Variants in GNE observed in about 807,000 individuals in gnomAD.
GNE encodes glucosamine (UDP-N-acetyl)-2-epimerase/N-acetylmannosamine kinase, also known as bifunctional UDP-N-acetylglucosamine 2-epimerase/N-acetylmannosamine kinase.
A neutral mutation model predicts 61.8 loss-of-function variants in GNE; 41 were observed. The ratio of observed to expected loss-of-function variants is 0.66; its 90% CI spans 0.52 to 0.86. The LOEUF (loss-of-function observed/expected upper bound fraction) is 0.86, where lower values mean the gene tolerates loss of function less well. GNE is among the 40% of genes least tolerant of loss of function. GNE has a pLI of 0.00. For missense variants in GNE, 608 were observed against 909.1 expected (o/e 0.67, Z 4.26); for synonymous variants, 264 against 326.4 (o/e 0.81, Z 2.06).
At chr9:36,264,052 C>T (rs1031674304) in intron 1 of GNE, among the ~76,000 whole-genome samples, 1 of 152,154 alleles carries the variant, frequency 6.6e-6, no homozygotes, top group Non-Finnish European at 1.5e-5. Context: ...AATCCAGGCC[C>T]TGACTTGACT....
At chr9:36,235,232 A>G (rs1174149465) in intron 4 of GNE, among the ~76,000 whole-genome samples, 3 of 152,162 alleles carry the variant, frequency 2.0e-5, no homozygotes, top group Non-Finnish European at 4.4e-5. Flanking sequence ...AGTACATGGC[A>G]CACCAGAAGG....
intron 4 of GNE, among the ~76,000 whole-genome samples, chr9:36,235,804 T>G (rs1165672898): frequency 1.3e-5 from 2 of 152,186 alleles, no homozygotes; most frequent in Non-Finnish European, 2.9e-5. Flanking sequence ...GGTGATATCT[T>G]GACATTGCAG....
At chr9:36,274,139 A>T (rs1587395264) in intron 1 of GNE, among the ~76,000 whole-genome samples, 1 of 150,408 alleles carries the variant, frequency 6.6e-6, no homozygotes, top group Middle Eastern at 3.5e-3. Context: ...TCTATCACCC[A>T]GGCTGGAGTG....
intron 1 of GNE, among the ~76,000 whole-genome samples, chr9:36,254,205 AAAATAAATAAAT>A (rs60990459): frequency 6.9e-6 from 1 of 144,764 alleles, no homozygotes. Context: ...ACTTTGTCTC[AAAATAAATAAAT>A]AAATAAATAA....
chr9:36,222,008 GTTGT>G (rs1465987635), intron 9 of GNE, among the ~76,000 whole-genome samples: 3 of 152,318 alleles, frequency 2.0e-5, no homozygotes, highest in Admixed American at 1.3e-4. Flanking sequence ...AAAAATTGTG[GTTGT>G]TTGTTTTGAC....
At chr9:36,229,825 C>T (rs995946067) in intron 5 of GNE, among the ~76,000 whole-genome samples, 2 of 152,038 alleles carry the variant, frequency 1.3e-5, no homozygotes, top group Non-Finnish European at 2.9e-5. Context: ...ACACCCATGC[C>T]CACACCCTGC....
chr9:36,235,189 TC>T (rs1829340411), intron 4 of GNE, among the ~76,000 whole-genome samples: 1 of 152,192 alleles, frequency 6.6e-6, no homozygotes, highest in South Asian at 2.1e-4. Flanking sequence ...CATTTCAGAT[TC>T]CAGATTTTTT....
Position 36,220,032 on chromosome 9 carries a change from G to C in GNE, c.1634-12C>G. 2.5e-6 allele frequency: 4 copies of C among 1,610,100 alleles called. No homozygotes were observed. The highest frequency in any genetic ancestry group is 3.4e-6 in the Non-Finnish European group (4 of 1,176,754). On this transcript the variant is annotated splice_polypyrimidine_tract_variant and intron_variant, in intron 9 of 11. Coordinates refer to ENST00000642385, the MANE Select transcript of GNE (RefSeq NM_005476.7). ...TCCACCACCGATTCCTACAGCGAGGGATAGAAATCACTGAGGGTGCTTTAC... is the reference window on the plus strand; with the variant it reads ...TCCACCACCGATTCCTACAGCGAGGCATAGAAATCACTGAGGGTGCTTTAC...
chr9:36,231,209 A>T (rs1385988540), intron 5 of GNE, among the ~76,000 whole-genome samples: 1 of 152,224 alleles, frequency 6.6e-6, no homozygotes, highest in Non-Finnish European at 1.5e-5. Context: ...CACATCCATA[A>T]TTCCAGGACT....
At chr9:36,265,613 CT>C (rs1380819514) in intron 1 of GNE, 4 of 353,466 alleles carry the variant, frequency 1.1e-5, no homozygotes, top group Non-Finnish European at 2.4e-5. Flanking sequence ...AGCCACAACA[CT>C]TTTAATTACC....
At chr9:36,233,666 C>CA (rs34150061) in intron 5 of GNE, among the ~76,000 whole-genome samples, 33 of 145,568 alleles carry the variant, frequency 2.3e-4, no homozygotes, top group East Asian at 1.1e-3. Flanking sequence ...GACTCCATCT[C>CA]AAAAAAAAAA....
intron 1 of GNE, among the ~76,000 whole-genome samples, chr9:36,256,239 C>CTTTTTTTTTTTTTTTTT (rs34215482): frequency 1.8e-5 from 1 of 55,990 alleles, no homozygotes; most frequent in African/African-American, 6.9e-5. Flanking sequence ...AAACCCAATT[C>CTTTTTTTTTTTTTTTTT]TTTTTTTTTT....
In GNE at chr9:36,215,919, G is replaced by T; in HGVS notation, c.*1446C>A. The T allele has an allele frequency of 5.2e-6, 1 of 192,172 alleles. No homozygotes were observed. Among genetic ancestry groups the T allele is most frequent in the Non-Finnish European group, 1.1e-5 (1 of 90,964 alleles). 11.9% of individuals were successfully genotyped at this position (192,172 alleles called of 1,614,324 possible). On this transcript the variant is annotated 3_prime_UTR_variant, in exon 12 of 12. Coordinates refer to ENST00000642385, the MANE Select transcript of GNE (RefSeq NM_005476.7). ...TGAAGGAAGAAGTGTCTGCTGGTCAGTAGCAAAGATCCTTTTGGGACAGTT... is the reference window on the plus strand; with the variant it reads ...TGAAGGAAGAAGTGTCTGCTGGTCATTAGCAAAGATCCTTTTGGGACAGTT...
chr9:36,268,900 T>G (rs1425366821), intron 1 of GNE, among the ~76,000 whole-genome samples: 2 of 151,922 alleles, frequency 1.3e-5, no homozygotes, highest in Non-Finnish European at 2.9e-5. Context: ...GAGGCCAAAG[T>G]GGGTGGATTA....
At chr9:36,224,728 G>A (rs990324061) in intron 7 of GNE, among the ~76,000 whole-genome samples, 1 of 152,028 alleles carries the variant, frequency 6.6e-6, no homozygotes, top group Non-Finnish European at 1.5e-5. Context: ...AAATTAGCTG[G>A]GCGTGGTGGC....
chr9:36,233,866 CA>C (rs765444870), intron 5 of GNE, 53 bp downstream of exon 5: 1 of 1,318,898 alleles, frequency 7.6e-7, no homozygotes, highest in Non-Finnish European at 1.1e-6. Context: ...TACCTTATAA[CA>C]ACTCACGTAT....
At position 36,216,047 on chromosome 9, in the gene GNE, G is replaced by A. The variant is rs1283180126; in HGVS notation, c.*1318C>T. 1 of 300,468 alleles carries A rather than the reference G, an allele frequency of 3.3e-6. No homozygotes were observed. The highest frequency in any genetic ancestry group is 9.3e-5 in the East Asian group (1 of 10,730). The allele number at this position is 300,468 out of a possible 1,614,324, so 18.6% of individuals were successfully genotyped here. A position where few individuals can be genotyped will look rare whatever the true frequency, so the allele number is the denominator to read the frequency against. ...CTGTAATTTAGATCCCTGGTCTAAA[G>A]TCTCTTGTAAGTTCAGCTAGAGTAA... On this transcript the variant is annotated 3_prime_UTR_variant, in exon 12 of 12. Transcript: ENST00000642385.
At chr9:36,276,971 TG>T (rs1563966156) in exon 1 of GNE, 1 of 1,613,246 alleles carries the variant, frequency 6.2e-7, no homozygotes, top group Non-Finnish European at 8.5e-7. Flanking sequence ...TGTACCCTAG[TG>T]TGGTTTGAAA....
intron 1 of GNE, among the ~76,000 whole-genome samples, chr9:36,251,985 TC>T (rs1169668929): frequency 2.5e-5 from 2 of 79,418 alleles, no homozygotes; most frequent in East Asian, 5.0e-4. Flanking sequence ...CACTATCTGA[TC>T]TTTTTTTTTT....
Sources: allele counts gnomAD v4.1 joint callset (sites outside exome capture counted in the v4.1 genomes callset), GRCh38; gene constraint gnomAD v4.1.1; transcripts MANE v1.5; gene names NCBI Gene and HGNC (gene_info 2026-07-23, HGNC 2026-07-21).